GRID2: variants seen among roughly 807,000 people sequenced by gnomAD.
GRID2 encodes the protein glutamate ionotropic receptor delta type subunit 2.
Under a neutral mutation model 114.8 loss-of-function variants are expected in GRID2, and 33 were observed. The ratio of observed to expected loss-of-function variants is 0.29; its 90% CI spans 0.22 to 0.38. GRID2 has a LOEUF of 0.38. Ranked by LOEUF, GRID2 falls within the 10% of genes least tolerant of loss-of-function variation. The pLI, the probability that GRID2 is intolerant of heterozygous loss-of-function variation, is 1.00. For missense variants in GRID2, 1,184 were observed against 1,257.7 expected (o/e 0.94, Z 0.89); for synonymous variants, 505 against 449.9 (o/e 1.12, Z -1.55).
chr4:92,950,335 C>A (rs1045682027), intron 2 of GRID2, among the ~76,000 whole-genome samples: 4 of 152,108 alleles, frequency 2.6e-5, no homozygotes, highest in Admixed American at 2.6e-4. Flanking sequence ...ACATAAACAA[C>A]AAAGAGTGTG....
chr4:93,224,829 T>A (rs778353741), intron 7 of GRID2, 54 bp downstream of exon 7: 3 of 1,303,386 alleles, frequency 2.3e-6, no homozygotes, highest in Non-Finnish European at 3.3e-6. Flanking sequence ...ATTTGACATA[T>A]TTTAGAAAAA....
intron 13 of GRID2, among the ~76,000 whole-genome samples, chr4:93,591,746 T>C (rs1738344229): frequency 6.6e-6 from 1 of 152,226 alleles, no homozygotes; most frequent in South Asian, 2.1e-4. Context: ...CTGTTATTGG[T>C]GTATTCAGAG....
intron 2 of GRID2, among the ~76,000 whole-genome samples, chr4:92,924,193 G>C (rs963897171): frequency 6.6e-6 from 1 of 152,066 alleles, no homozygotes; most frequent in Non-Finnish European, 1.5e-5. Flanking sequence ...GGTGGGAATT[G>C]AACAATGACA....
chr4:93,021,182 A>G (rs1481515543), intron 2 of GRID2, among the ~76,000 whole-genome samples: 2 of 152,022 alleles, frequency 1.3e-5, no homozygotes, highest in African/African-American at 4.8e-5. Context: ...AAATGCCTGA[A>G]AAAATAAGTT....
intron 2 of GRID2, among the ~76,000 whole-genome samples, chr4:92,637,005 AT>A (rs1354465023): frequency 1.3e-5 from 2 of 151,868 alleles, no homozygotes; most frequent in African/African-American, 4.8e-5. Flanking sequence ...TCAGCCTAAT[AT>A]TTTTTATTTC....
chr4:92,565,330 C>CA (rs768380624), intron 1 of GRID2, among the ~76,000 whole-genome samples: 52 of 151,998 alleles, frequency 3.4e-4, no homozygotes, highest in African/African-American at 5.8e-4. Context: ...TCAACACTGT[C>CA]AATTCATATT....
intron 1 of GRID2, among the ~76,000 whole-genome samples, chr4:92,433,876 A>T (rs1002414961): frequency 6.6e-6 from 1 of 152,230 alleles, no homozygotes; most frequent in Non-Finnish European, 1.5e-5. Flanking sequence ...TAACATACAC[A>T]TATTTAATGA....
chr4:92,708,151 A>C (rs1451553658), intron 2 of GRID2, among the ~76,000 whole-genome samples: 1 of 152,174 alleles, frequency 6.6e-6, no homozygotes, highest in East Asian at 1.9e-4. Context: ...CCAGGGAAGC[A>C]CTGGACTTCC....
chr4:92,701,171 T>C (rs951485909), intron 2 of GRID2, among the ~76,000 whole-genome samples: 8 of 152,132 alleles, frequency 5.3e-5, no homozygotes, highest in Non-Finnish European at 1.2e-4. Flanking sequence ...GATAATCTCA[T>C]AGGGTTGTTG....
chr4:93,452,740 C>T (rs754833241), intron 10 of GRID2, among the ~76,000 whole-genome samples: 2 of 151,742 alleles, frequency 1.3e-5, no homozygotes, highest in East Asian at 1.9e-4. Context: ...TGTGACAAGT[C>T]GTTGTAAAAA....
In GRID2 at chr4:92,577,289, G is replaced by A. The variant is rs550838376; in HGVS notation, c.89-12842G>A. Reference sequence around the variant, plus strand: ...AAGATTTCTCATATAGAGTATACAGGGGATGTCAGGGACCTGTCACTGGCT... The same window carrying A: ...AAGATTTCTCATATAGAGTATACAGAGGATGTCAGGGACCTGTCACTGGCT... On this transcript the variant is annotated intron_variant, in intron 1 of 15. Transcript: ENST00000282020. Among the ~76,000 whole-genome samples, 3 of 152,112 alleles carry A rather than the reference G, an allele frequency of 2.0e-5. No individual in the cohort carries two copies. The South Asian group carries it at 6.2e-4, about 32-fold the overall frequency.
rs544785469 is a variant in GRID2, at chr4:92,944,696, A to G, written c.245-140299A>G. 2.6e-5 allele frequency among the ~76,000 whole-genome samples: 4 copies of G among 152,292 alleles called. No individual in the cohort carries two copies. The East Asian group carries it at 5.8e-4, about 22-fold the overall frequency. The stretch of plus-strand genomic sequence containing the variant: ...GAGCTGTTCCTATTTGGCCATCTTC[A>G]ATATTTCTAACATATTAGAATCTAT... On this transcript the variant is annotated intron_variant, in intron 2 of 15. Transcript: ENST00000282020.
intron 10 of GRID2, among the ~76,000 whole-genome samples, chr4:93,454,724 AG>A (rs1260666252): frequency 6.6e-6 from 1 of 152,070 alleles, no homozygotes; most frequent in African/African-American, 2.4e-5. Flanking sequence ...TATAAACACA[AG>A]TTTTATCTTC....
Position 93,678,108 on chromosome 4 carries a change from G to A in GRID2, c.2360+51673G>A, listed in dbSNP as rs146412446. On this transcript the variant is annotated intron_variant, in intron 14 of 15. Coordinates refer to ENST00000282020, the MANE Select transcript of GRID2 (RefSeq NM_001510.4). ...GGAGCTGATGGAGCCGAAAGCCAAG[G>A]CTCGAGAACTGCATGAAGAATGTAG... 6.7e-3 allele frequency among the ~76,000 whole-genome samples: 1,022 copies of A among 152,270 alleles called. 14 individuals carry two copies. The highest frequency in any genetic ancestry group is 0.023 in the African/African-American group (966 of 41,546).
intron 8 of GRID2, among the ~76,000 whole-genome samples, chr4:93,392,769 C>T (rs910092884): frequency 6.6e-6 from 1 of 151,980 alleles, no homozygotes; most frequent in African/African-American, 2.4e-5. Flanking sequence ...AAATAGATCA[C>T]ATTTATGAAA....
At chr4:92,539,501 CT>C (rs1262374698) in intron 1 of GRID2, among the ~76,000 whole-genome samples, 1 of 151,892 alleles carries the variant, frequency 6.6e-6, no homozygotes, top group African/African-American at 2.4e-5. Context: ...ATTTTTATTA[CT>C]TTTGGCTGTT....
chr4:93,687,106 G>A (rs1726143550), intron 14 of GRID2, among the ~76,000 whole-genome samples: 2 of 151,874 alleles, frequency 1.3e-5, no homozygotes, highest in South Asian at 4.1e-4. Flanking sequence ...TTCAGAGTCT[G>A]GATATATTTG....
chr4:93,051,032 G>T (rs1309206631), intron 2 of GRID2, among the ~76,000 whole-genome samples: 1 of 152,010 alleles, frequency 6.6e-6, no homozygotes, highest in Non-Finnish European at 1.5e-5. Context: ...AACAAATTCA[G>T]AGGAAATAGT....
At chr4:93,478,663 A>C (rs1725564000) in intron 11 of GRID2, among the ~76,000 whole-genome samples, 1 of 151,840 alleles carries the variant, frequency 6.6e-6, no homozygotes, top group Admixed American at 6.6e-5. Flanking sequence ...TAAACATTTT[A>C]TATTTTAACT....
Sources: gnomAD v4.1 joint callset for allele counts (sites outside exome capture counted in the v4.1 genomes callset) on GRCh38, gnomAD v4.1.1 for gene constraint, MANE v1.5 for transcripts, NCBI Gene and HGNC (gene_info 2026-07-23, HGNC 2026-07-21) for gene names.